ADAMTSL3: variants seen among roughly 807,000 people sequenced by gnomAD.
ADAMTSL3 encodes ADAMTS like 3, also known as ADAMTS-like protein 3.
Under a neutral mutation model 201.7 loss-of-function variants are expected in ADAMTSL3, and 128 were observed. That is an observed-to-expected ratio of 0.63 (90% confidence interval 0.55 to 0.73). ADAMTSL3 has a LOEUF of 0.73. Among genes scored for constraint, ADAMTSL3 ranks in the 30% least tolerant of loss-of-function variants. ADAMTSL3 has a pLI of 0.00. For synonymous variants in ADAMTSL3, 738 were observed against 748.4 expected (o/e 0.99, Z 0.23); for missense variants, 1,990 against 2,119.6 (o/e 0.94, Z 1.20).
intron 3 of ADAMTSL3, among the ~76,000 whole-genome samples, chr15:83,767,419 AAAT>A (rs1174374849): frequency 2.6e-5 from 4 of 152,208 alleles, no homozygotes; most frequent in Non-Finnish European, 4.4e-5. Flanking sequence ...TTACCATATA[AAAT>A]AATAACAACA....
chr15:83,712,830 T>G (rs944776759), intron 3 of ADAMTSL3, among the ~76,000 whole-genome samples: 1 of 152,174 alleles, frequency 6.6e-6, no homozygotes, highest in Non-Finnish European at 1.5e-5. Context: ...ACCTTCCACT[T>G]CAGTCACCCA....
chr15:83,994,877 T>G (rs1375610589), intron 23 of ADAMTSL3, among the ~76,000 whole-genome samples: 3 of 151,420 alleles, frequency 2.0e-5, no homozygotes, highest in Non-Finnish European at 4.4e-5. Context: ...CCCAAAGTGT[T>G]GGGATTACAG....
intron 15 of ADAMTSL3, among the ~76,000 whole-genome samples, chr15:83,902,331 C>T (rs1430262981): frequency 2.6e-5 from 4 of 152,228 alleles, no homozygotes; most frequent in African/African-American, 4.8e-5. Context: ...AGTGCAGTGG[C>T]GTGATCTCTG....
chr15:83,872,969 G>C (rs1016540512), intron 9 of ADAMTSL3, among the ~76,000 whole-genome samples: 1 of 145,438 alleles, frequency 6.9e-6, no homozygotes, highest in Non-Finnish European at 1.5e-5. Flanking sequence ...ATTTTAGAGG[G>C]GATAACATTT....
intron 19 of ADAMTSL3, among the ~76,000 whole-genome samples, chr15:83,951,132 A>C (rs1250886585): frequency 6.6e-6 from 1 of 151,696 alleles, no homozygotes; most frequent in Admixed American, 6.6e-5. Flanking sequence ...TTCCCCATTC[A>C]GTATGATACT....
chr15:83,708,961 C>T (rs998482809), intron 3 of ADAMTSL3, among the ~76,000 whole-genome samples: 8 of 152,130 alleles, frequency 5.3e-5, no homozygotes, highest in African/African-American at 1.9e-4. Context: ...CATTACACTC[C>T]AAACCCAAGG....
chr15:83,944,674 A>G (rs1281454864), intron 19 of ADAMTSL3, among the ~76,000 whole-genome samples: 1 of 152,152 alleles, frequency 6.6e-6, no homozygotes, highest in Non-Finnish European at 1.5e-5. Flanking sequence ...ACCCAAAATT[A>G]TTACACATGT....
Position 83,982,718 on chromosome 15 carries a change from G to A in ADAMTSL3, c.3090G>A (p.Trp1030Ter). The change falls in exon 21 of 30, where the codon TGG (tryptophan) becomes TGA (stop). Residue 1030 changes from tryptophan to a stop codon, truncating the protein, a stop_gained. Transcript: ENST00000286744. LOFTEE classifies it high-confidence loss of function. Reference sequence around the variant, plus strand: ...AAGCCAATAGTTTGGGAGTCACATGGCACAAAATGAGGCAAATGTGGAATA... The same window carrying A: ...AAGCCAATAGTTTGGGAGTCACATGACACAAAATGAGGCAAATGTGGAATA... ...HSEANSLGVTWHKMRQMWNNK... is the reference protein window; with the variant it reads ...HSEANSLGVT 1.2e-6 allele frequency: 2 copies of A among 1,614,036 alleles called. No individual in the cohort carries two copies. The highest frequency in any genetic ancestry group is 1.7e-6 in the Non-Finnish European group (2 of 1,180,042).
At chr15:83,742,415 AAAAC>A (rs1460383629) in intron 3 of ADAMTSL3, among the ~76,000 whole-genome samples, 1 of 152,154 alleles carries the variant, frequency 6.6e-6, no homozygotes, top group Non-Finnish European at 1.5e-5. Context: ...TGACAGTAGA[AAAAC>A]AAAATATACC....
In ADAMTSL3 at chr15:83,924,000, G is replaced by A. The variant is rs568284210; in HGVS notation, c.2084G>A (p.Ser695Asn). 6.8e-6 allele frequency: 11 copies of A among 1,614,008 alleles called. No homozygotes were observed. The Admixed American group carries it at 1.0e-4, about 15-fold the overall frequency. ...ATGGTCCACCGTCCTCCAGCCATGAGCCAGGCCTGTAACACAGAGCCCTGT... is the reference window on the plus strand; with the variant it reads ...ATGGTCCACCGTCCTCCAGCCATGAACCAGGCCTGTAACACAGAGCCCTGT... ...CDMVHRPPAMSQACNTEPCPP... is the reference protein window; with the variant it reads ...CDMVHRPPAMNQACNTEPCPP... The change falls in exon 17 of 30, where the codon AGC (serine) becomes AAC (asparagine). Residue 695 changes from serine to asparagine, a missense_variant. Physicochemically the swap from Ser to Asn is conservative, Grantham distance 46. Transcript: ENST00000286744.
At chr15:83,982,138 T>C (rs2067394370) in intron 20 of ADAMTSL3, 135 bp from the exon 21 acceptor site, 1 of 705,614 alleles carries the variant, frequency 1.4e-6, no homozygotes, top group Non-Finnish European at 2.3e-6. Context: ...CATGGTTTTA[T>C]TCTTGAATGT....
intron 6 of ADAMTSL3, among the ~76,000 whole-genome samples, chr15:83,823,028 AC>A (rs1465774083): frequency 6.6e-6 from 1 of 151,884 alleles, no homozygotes; most frequent in African/African-American, 2.4e-5. Flanking sequence ...CCCCGTCTCC[AC>A]CAAAAAAATA....
chr15:83,972,720 G>A (rs1215008880), intron 20 of ADAMTSL3, among the ~76,000 whole-genome samples: 1 of 152,120 alleles, frequency 6.6e-6, no homozygotes, highest in Non-Finnish European at 1.5e-5. Context: ...GGTCATGAAG[G>A]TAGACAAGAG....
intron 7 of ADAMTSL3, among the ~76,000 whole-genome samples, chr15:83,854,693 C>T (rs781016115): frequency 5.3e-5 from 8 of 152,130 alleles, no homozygotes; most frequent in Non-Finnish European, 8.8e-5. Flanking sequence ...GAGTTGCAAA[C>T]GGTTATTTTC....
At chr15:83,810,327 G>A (rs1033463017) in intron 5 of ADAMTSL3, among the ~76,000 whole-genome samples, 11 of 152,202 alleles carry the variant, frequency 7.2e-5, no homozygotes, top group African/African-American at 2.4e-4. Flanking sequence ...TCCAGATGGG[G>A]CATGTAGGAG....
At chr15:83,906,383 C>A (rs775324828) in intron 15 of ADAMTSL3, among the ~76,000 whole-genome samples, 1 of 152,074 alleles carries the variant, frequency 6.6e-6, no homozygotes, top group Non-Finnish European at 1.5e-5. Context: ...CATGTGGTCT[C>A]TCCATTTATT....
intron 7 of ADAMTSL3, among the ~76,000 whole-genome samples, chr15:83,846,682 G>A (rs1328574041): frequency 2.0e-5 from 3 of 152,132 alleles, no homozygotes. Flanking sequence ...GGTAAATCTG[G>A]GCAATTGCAG....
chr15:83,916,800 G>A (rs183329906), intron 16 of ADAMTSL3, among the ~76,000 whole-genome samples: 1 of 96,592 alleles, frequency 1.0e-5, no homozygotes. Context: ...ATAAAATAAA[G>A]GCTGGAAATT....
chr15:83,787,083 G>A (rs542885508), intron 4 of ADAMTSL3, among the ~76,000 whole-genome samples: 3 of 152,228 alleles, frequency 2.0e-5, no homozygotes, highest in East Asian at 3.9e-4. Flanking sequence ...TGTTCTGGTT[G>A]ACACATGGTT....
Sources: gnomAD v4.1 joint callset for allele counts (sites outside exome capture counted in the v4.1 genomes callset) on GRCh38, gnomAD v4.1.1 for gene constraint, MANE v1.5 for transcripts, NCBI Gene and HGNC (gene_info 2026-07-23, HGNC 2026-07-21) for gene names.